The following FHIT variants were observed in gnomAD, a reference collection of about 807,000 sequenced individuals.
FHIT encodes fragile histidine triad diadenosine triphosphatase.
In FHIT, 19 loss-of-function variants were observed where a neutral mutation model predicts 17.9. The ratio of observed to expected loss-of-function variants is 1.06; its 90% CI spans 0.74 to 1.56. The LOEUF (loss-of-function observed/expected upper bound fraction) is 1.56, where lower values mean the gene tolerates loss of function less well. Ranked by LOEUF, FHIT falls within the 40% of genes most tolerant of loss-of-function variation. The pLI, the probability that FHIT is intolerant of heterozygous loss-of-function variation, is 0.00. For missense variants in FHIT, 248 were observed against 189.2 expected (o/e 1.31, Z -1.82); for synonymous variants, 81 against 69.7 (o/e 1.16, Z -0.81).
chr3:60,419,945 A>C (rs921133467), intron 5 of FHIT, among the ~76,000 whole-genome samples: 1 of 152,210 alleles, frequency 6.6e-6, no homozygotes, highest in Non-Finnish European at 1.5e-5. Flanking sequence ...ATAAACAAAG[A>C]TAAAACCATT....
intron 4 of FHIT, among the ~76,000 whole-genome samples, chr3:60,806,363 G>A (rs537817513): frequency 6.6e-6 from 1 of 152,218 alleles, no homozygotes; most frequent in South Asian, 2.1e-4. Context: ...GGTCCTTCTA[G>A]GATCAATTTA....
At chr3:59,937,614 T>C (rs1474813365) in intron 7 of FHIT, among the ~76,000 whole-genome samples, 1 of 152,186 alleles carries the variant, frequency 6.6e-6, no homozygotes, top group Non-Finnish European at 1.5e-5. Context: ...AGTGAAGCTC[T>C]CCTTCTCCCA....
At chr3:60,549,204 G>T (rs1424857946) in intron 4 of FHIT, among the ~76,000 whole-genome samples, 1 of 152,046 alleles carries the variant, frequency 6.6e-6, no homozygotes, top group African/African-American at 2.4e-5. Context: ...GTATGTAATG[G>T]TTACATAAAT....
intron 8 of FHIT, among the ~76,000 whole-genome samples, chr3:59,867,120 C>T (rs9866478): frequency 0.041 from 3,766 of 92,340 alleles, 107 homozygotes; most frequent in African/African-American, 0.12. Context: ...ATTATACCAT[C>T]AACGTGAGGT....
At chr3:60,512,089 T>A (rs2034971500) in intron 5 of FHIT, among the ~76,000 whole-genome samples, 1 of 152,160 alleles carries the variant, frequency 6.6e-6, no homozygotes, top group African/African-American at 2.4e-5. Context: ...ATATCCCATA[T>A]TATAAATGAC....
intron 5 of FHIT, among the ~76,000 whole-genome samples, chr3:60,325,070 G>C (rs1709626646): frequency 6.6e-6 from 1 of 151,424 alleles, no homozygotes; most frequent in Non-Finnish European, 1.5e-5. Flanking sequence ...CCAAAGAGCA[G>C]GTCAACACTT....
At chr3:60,500,097 C>A (rs1234875012) in intron 5 of FHIT, among the ~76,000 whole-genome samples, 1 of 152,174 alleles carries the variant, frequency 6.6e-6, no homozygotes, top group Non-Finnish European at 1.5e-5. Flanking sequence ...CAATAGACAA[C>A]TCTGTGTCTA....
chr3:60,285,331 G>A (rs1707673344), intron 5 of FHIT, among the ~76,000 whole-genome samples: 1 of 152,078 alleles, frequency 6.6e-6, no homozygotes, highest in South Asian at 2.1e-4. Flanking sequence ...AACCAGTAAT[G>A]CCAAAAATAG....
chr3:60,784,491 A>G (rs1700498754), intron 4 of FHIT, among the ~76,000 whole-genome samples: 1 of 152,038 alleles, frequency 6.6e-6, no homozygotes, highest in Non-Finnish European at 1.5e-5. Flanking sequence ...GTGCCCCACC[A>G]CACTCAGCTA....
chr3:61,246,129 C>G (rs577116627), intron 1 of FHIT, among the ~76,000 whole-genome samples: 9 of 152,272 alleles, frequency 5.9e-5, no homozygotes, highest in African/African-American at 2.2e-4. Flanking sequence ...AGAAAGTTAC[C>G]CTATATGGTC....
At chr3:60,099,971 G>C (rs1704123599) in intron 5 of FHIT, among the ~76,000 whole-genome samples, 1 of 152,148 alleles carries the variant, frequency 6.6e-6, no homozygotes, top group Non-Finnish European at 1.5e-5. Context: ...GTTGTGGTGT[G>C]TGTTGAATTC....
chr3:60,409,210 T>C (rs559547918), intron 5 of FHIT, among the ~76,000 whole-genome samples: 4 of 152,244 alleles, frequency 2.6e-5, no homozygotes, highest in African/African-American at 7.2e-5. Flanking sequence ...AATTAAAGCA[T>C]TGGCTATTAG....
chr3:60,157,666 G>C (rs1700761173), intron 5 of FHIT, among the ~76,000 whole-genome samples: 1 of 152,106 alleles, frequency 6.6e-6, no homozygotes, highest in Admixed American at 6.5e-5. Flanking sequence ...CCCTGTAAGA[G>C]GACTTGGGAG....
At position 61,203,452 on chromosome 3, in the gene FHIT, T is replaced by C. The variant is rs150796577; in HGVS notation, c.-212-2787A>G. Among the ~76,000 whole-genome samples the C allele has an allele frequency of 2.6e-5, 4 of 152,008 alleles. No individual in the cohort carries two copies. The East Asian group carries it at 7.7e-4, about 29-fold the overall frequency. ...AACATTTTTCAAAAAAAAAATTGTT[T>C]AGTGCTCACAGTAGTTTACTTTTGC... On this transcript the variant is annotated intron_variant, in intron 1 of 9. Transcript: ENST00000492590.
At chr3:60,278,470 A>G (rs1431798936) in intron 5 of FHIT, among the ~76,000 whole-genome samples, 5 of 152,192 alleles carry the variant, frequency 3.3e-5, no homozygotes, top group African/African-American at 9.7e-5. Flanking sequence ...GCTCACTAAG[A>G]AAACTGAGAT....
intron 5 of FHIT, among the ~76,000 whole-genome samples, chr3:60,429,291 G>T (rs1289757884): frequency 6.6e-6 from 1 of 151,754 alleles, no homozygotes; most frequent in Non-Finnish European, 1.5e-5. Flanking sequence ...CAATAGTAAT[G>T]AAATAAAAAA....
intron 5 of FHIT, among the ~76,000 whole-genome samples, chr3:60,139,160 G>A (rs749627058): frequency 6.6e-6 from 1 of 152,168 alleles, no homozygotes; most frequent in African/African-American, 2.4e-5. Context: ...TAGCTGTAAA[G>A]CATCTGGAAA....
intron 5 of FHIT, among the ~76,000 whole-genome samples, chr3:60,320,793 G>C (rs1559817074): frequency 1.3e-5 from 2 of 152,138 alleles, no homozygotes; most frequent in African/African-American, 4.8e-5. Flanking sequence ...ATATAAATTT[G>C]AAATGGAGGA....
In FHIT at chr3:59,747,657, ACCTGTTGGTTTT is replaced by A. The variant is rs1193125624; in HGVS notation, c.*1916_*1927del. On this transcript the variant is annotated 3_prime_UTR_variant, in exon 10 of 10. Coordinates refer to ENST00000492590, the MANE Select transcript of FHIT (RefSeq NM_002012.4). ...ATAGGTGTTCACATTCTTCTTTGCAACCTGTTGGTTTTCAAGACAGACTGTCGGCAAGCAAAA... is the reference window on the plus strand; with the variant it reads ...ATAGGTGTTCACATTCTTCTTTGCAACAAGACAGACTGTCGGCAAGCAAAA... Among the ~76,000 whole-genome samples the A allele has an allele frequency of 1.3e-5, 2 of 152,102 alleles. No individual in the cohort carries two copies. The highest frequency in any genetic ancestry group is 3.9e-4 in the East Asian group (2 of 5,174).
Sources: allele counts gnomAD v4.1 joint callset (sites outside exome capture counted in the v4.1 genomes callset), GRCh38; gene constraint gnomAD v4.1.1; transcripts MANE v1.5; gene names NCBI Gene and HGNC (gene_info 2026-07-23, HGNC 2026-07-21).